The following FANCC variants were observed in gnomAD, a reference collection of about 807,000 sequenced individuals.
The protein encoded by FANCC is FA complementation group C, also known as Fanconi anemia group C protein.
FANCC carries 55 observed loss-of-function variants against 71.3 expected under a neutral mutation model. The ratio of observed to expected loss-of-function variants is 0.77; its 90% confidence interval spans 0.62 to 0.97. The LOEUF (loss-of-function observed/expected upper bound fraction) is 0.97, where lower values mean the gene tolerates loss of function less well. Among genes scored for constraint, FANCC ranks in the 50% least tolerant of loss-of-function variants. FANCC has a pLI of 0.00. For missense variants in FANCC, 678 were observed against 670.9 expected (o/e 1.01, Z -0.12); for synonymous variants, 275 against 244.9 (o/e 1.12, Z -1.15).
intron 4 of FANCC, among the ~76,000 whole-genome samples, chr9:95,213,330 A>G (rs1828626764): frequency 6.6e-6 from 1 of 151,690 alleles, no homozygotes; most frequent in African/African-American, 2.4e-5. Flanking sequence ...CCATCAATCA[A>G]AAGAGTTAGA....
intron 4 of FANCC, among the ~76,000 whole-genome samples, chr9:95,175,759 G>C (rs1825975556): frequency 6.6e-6 from 1 of 152,282 alleles, no homozygotes; most frequent in Non-Finnish European, 1.5e-5. Flanking sequence ...CTCTTAGCAA[G>C]CCAGGATGGA....
chr9:95,288,262 T>C (rs757818612), intron 1 of FANCC, among the ~76,000 whole-genome samples: 7 of 152,352 alleles, frequency 4.6e-5, no homozygotes, highest in Non-Finnish European at 8.8e-5. Flanking sequence ...AAGTCGATCA[T>C]GTTTGTTCTA....
chr9:95,189,561 C>T (rs1453608068), intron 4 of FANCC, among the ~76,000 whole-genome samples: 1 of 152,054 alleles, frequency 6.6e-6, no homozygotes, highest in Admixed American at 6.6e-5. Flanking sequence ...TCCCAAAAAC[C>T]AAAACCAAAA....
intron 6 of FANCC, among the ~76,000 whole-genome samples, chr9:95,163,964 T>C (rs1564712105): frequency 6.6e-6 from 1 of 152,270 alleles, no homozygotes; most frequent in Non-Finnish European, 1.5e-5. Context: ...TGTATAGCTT[T>C]CACTGTGCAA....
chr9:95,175,899 G>A (rs1300468932), intron 4 of FANCC, among the ~76,000 whole-genome samples: 1 of 152,202 alleles, frequency 6.6e-6, no homozygotes, highest in Non-Finnish European at 1.5e-5. Context: ...GGGAGGACTT[G>A]GTTTGGAAAG....
intron 6 of FANCC, among the ~76,000 whole-genome samples, chr9:95,169,543 C>T (rs1032489996): frequency 6.6e-6 from 1 of 152,212 alleles, no homozygotes; most frequent in Non-Finnish European, 1.5e-5. Flanking sequence ...GCACATTCCA[C>T]TCTTCTTTTT....
At chr9:95,248,426 C>A (rs957152295) in intron 2 of FANCC, among the ~76,000 whole-genome samples, 4 of 152,074 alleles carry the variant, frequency 2.6e-5, no homozygotes, top group Admixed American at 2.6e-4. Context: ...CTTATAGTTT[C>A]TAAAGACATA....
At chr9:95,138,411 G>A (rs1357794919) in intron 7 of FANCC, among the ~76,000 whole-genome samples, 1 of 152,224 alleles carries the variant, frequency 6.6e-6, no homozygotes, top group Non-Finnish European at 1.5e-5. Context: ...GCCCTGGAGA[G>A]GGGTTCCTGT....
intron 4 of FANCC, among the ~76,000 whole-genome samples, chr9:95,222,759 A>G (rs1829360810): frequency 6.6e-6 from 1 of 152,234 alleles, no homozygotes; most frequent in South Asian, 2.1e-4. Context: ...TTATGATTCC[A>G]TAATCCTAAC....
At chr9:95,240,578 A>T in intron 4 of FANCC, 71 bp downstream of exon 4, 3 of 1,209,358 alleles carry the variant, frequency 2.5e-6, no homozygotes, top group Non-Finnish European at 3.7e-6. Context: ...CCACCCCAAA[A>T]TTTTTTTAAG....
At chr9:95,151,008 C>T (rs1461736182) in intron 6 of FANCC, among the ~76,000 whole-genome samples, 1 of 152,200 alleles carries the variant, frequency 6.6e-6, no homozygotes, top group Non-Finnish European at 1.5e-5. Context: ...AGTCACAGTT[C>T]AAGTGCTCAA....
chr9:95,285,333 C>T (rs980668334), intron 1 of FANCC, among the ~76,000 whole-genome samples: 1 of 151,906 alleles, frequency 6.6e-6, no homozygotes, highest in Non-Finnish European at 1.5e-5. Context: ...AAATAGAATG[C>T]CATAAATTAT....
chr9:95,268,686 AT>A (rs544024666), intron 1 of FANCC, among the ~76,000 whole-genome samples: 21 of 150,234 alleles, frequency 1.4e-4, no homozygotes, highest in African/African-American at 4.9e-4. Context: ...AAACAGTCAC[AT>A]TTTTTTTTTC....
At chr9:95,295,807 A>G (rs1834334098) in intron 1 of FANCC, among the ~76,000 whole-genome samples, 1 of 151,862 alleles carries the variant, frequency 6.6e-6, no homozygotes, top group South Asian at 2.1e-4. Context: ...GGCTGTTGCC[A>G]GGGGCTGGCA....
At chr9:95,267,683 C>T (rs1457878438) in intron 1 of FANCC, among the ~76,000 whole-genome samples, 1 of 151,990 alleles carries the variant, frequency 6.6e-6, no homozygotes, top group South Asian at 2.1e-4. Flanking sequence ...ATACTTAAGA[C>T]ACTAAAATAA....
At chr9:95,216,973 T>A (rs1269562693) in intron 4 of FANCC, among the ~76,000 whole-genome samples, 1 of 152,216 alleles carries the variant, frequency 6.6e-6, no homozygotes, top group African/African-American at 2.4e-5. Context: ...ATCAACCATC[T>A]TAACCCAACT....
intron 4 of FANCC, among the ~76,000 whole-genome samples, chr9:95,195,242 A>G (rs1588261971): frequency 1.1e-5 from 1 of 90,096 alleles, no homozygotes. Context: ...CTAGTTCCAG[A>G]GCCTTTTTTT....
chr9:95,141,311 CAAAAAAAAAA>C (rs66627467), intron 7 of FANCC, among the ~76,000 whole-genome samples: 3 of 54,882 alleles, frequency 5.5e-5, no homozygotes, highest in South Asian at 1.3e-3. Flanking sequence ...GACCCTGTCT[CAAAAAAAAAA>C]AAAAAAAAAA....
chr9:95,168,340 C>T (rs759710863), intron 6 of FANCC, among the ~76,000 whole-genome samples: 3 of 152,170 alleles, frequency 2.0e-5, no homozygotes, highest in Non-Finnish European at 4.4e-5. Context: ...CAGCCTCCAT[C>T]GGCAGCACTG....
Sources: gnomAD v4.1 joint callset for allele counts (sites outside exome capture counted in the v4.1 genomes callset) on GRCh38, gnomAD v4.1.1 for gene constraint, MANE v1.5 for transcripts, NCBI Gene and HGNC (gene_info 2026-07-23, HGNC 2026-07-21) for gene names.